The following E2F3 variants were observed in gnomAD, a reference collection of about 807,000 sequenced individuals.
The protein encoded by E2F3 is transcription factor E2F3.
E2F3 carries 11 observed loss-of-function variants against 44.4 expected under a neutral mutation model. The observed-to-expected ratio is 0.25, with a 90% CI of 0.16 to 0.41. E2F3 has a LOEUF of 0.41. E2F3 is among the 10% of genes least tolerant of loss of function. The probability of loss-of-function intolerance (pLI) is 1.00; values close to 1 mark genes in which losing one functional copy is unlikely to be tolerated. For synonymous variants in E2F3, 249 were observed against 253.0 expected (o/e 0.98, Z 0.15); for missense variants, 487 against 583.6 (o/e 0.83, Z 1.70).
At chr6:20,463,299 A>C (rs1761587430) in intron 1 of E2F3, among the ~76,000 whole-genome samples, 1 of 152,190 alleles carries the variant, frequency 6.6e-6, no homozygotes, top group African/African-American at 2.4e-5. Flanking sequence ...TTAAAATCCC[A>C]GTGCTTTGGG....
chr6:20,480,168 T>A, intron 2 of E2F3: 1 of 623,822 alleles, frequency 1.6e-6, no homozygotes, highest in Non-Finnish European at 2.0e-6. Flanking sequence ...AAGGGAAGAC[T>A]TCTTTTAACT....
chr6:20,417,549 A>G (rs892417602), intron 1 of E2F3, among the ~76,000 whole-genome samples: 2 of 152,064 alleles, frequency 1.3e-5, no homozygotes, highest in Non-Finnish European at 1.5e-5. Context: ...TTTAAATTTA[A>G]AAAGATGTTA....
intron 1 of E2F3, among the ~76,000 whole-genome samples, chr6:20,412,462 C>T (rs1188174383): frequency 6.6e-6 from 1 of 151,926 alleles, no homozygotes; most frequent in Non-Finnish European, 1.5e-5. Context: ...AGACATAAGT[C>T]AAAGGCAGGC....
intron 1 of E2F3, among the ~76,000 whole-genome samples, chr6:20,415,032 C>G (rs1173129206): frequency 1.3e-5 from 2 of 152,198 alleles, no homozygotes; most frequent in Non-Finnish European, 2.9e-5. Flanking sequence ...CCGCCACTCC[C>G]CGTGGTAGGA....
chr6:20,442,315 C>T (rs1760805256), intron 1 of E2F3, among the ~76,000 whole-genome samples: 1 of 152,126 alleles, frequency 6.6e-6, no homozygotes. Flanking sequence ...TCCTGGTAAC[C>T]GTCTTCTTAA....
In E2F3 at chr6:20,481,193, G is replaced by T. The variant is rs757759086; in HGVS notation, c.506-13G>T. Reference sequence around the variant, plus strand: ...CCTATCCCCCACCCGCTCGGTTTTTGTTTTTCTTTAAGCTCCAAAATCTCC... The same window carrying T: ...CCTATCCCCCACCCGCTCGGTTTTTTTTTTTCTTTAAGCTCCAAAATCTCC... On this transcript the variant is annotated splice_polypyrimidine_tract_variant and intron_variant, in intron 2 of 6. Coordinates refer to ENST00000346618, the MANE Select transcript of E2F3 (RefSeq NM_001949.5). 7 of 1,610,930 alleles carry T rather than the reference G, an allele frequency of 4.3e-6. No homozygotes were observed. In the East Asian group the frequency reaches 1.6e-4, roughly 36 times the overall value.
intron 1 of E2F3, among the ~76,000 whole-genome samples, chr6:20,464,244 GA>G (rs1317789935): frequency 6.6e-6 from 1 of 152,168 alleles, no homozygotes; most frequent in East Asian, 1.9e-4. Context: ...TGTTCACCTT[GA>G]AACTGCCTTG....
intron 1 of E2F3, among the ~76,000 whole-genome samples, chr6:20,419,119 C>T (rs999650557): frequency 2.6e-5 from 4 of 152,118 alleles, no homozygotes; most frequent in African/African-American, 9.7e-5. Flanking sequence ...AGACGTAATT[C>T]CCTATCTGTA....
chr6:20,446,582 CAG>C (rs1459748267), intron 1 of E2F3, among the ~76,000 whole-genome samples: 2 of 152,166 alleles, frequency 1.3e-5, no homozygotes, highest in African/African-American at 2.4e-5. Flanking sequence ...TATTTAGAGA[CAG>C]AGTCTTGCTG....
chr6:20,480,174 T>A, intron 2 of E2F3: 1 of 600,042 alleles, frequency 1.7e-6, no homozygotes, highest in Non-Finnish European at 2.1e-6. Context: ...AGACTTCTTT[T>A]AACTGTATGT....
Position 20,402,023 on chromosome 6 carries a change from G to T in E2F3, c.-210G>T. Reference sequence around the variant, plus strand: ...TGGGGCCCGATATCCGTGCGGCCGGGACCCTCCTCTCTCCAGAGCCCCGAT... The same window carrying T: ...TGGGGCCCGATATCCGTGCGGCCGGTACCCTCCTCTCTCCAGAGCCCCGAT... On this transcript the variant is annotated 5_prime_UTR_variant, in exon 1 of 7. Coordinates refer to ENST00000346618, the MANE Select transcript of E2F3 (RefSeq NM_001949.5). The surrounding 1 kb of genome is among the most constrained non-coding windows in gnomAD (Gnocchi z 5.6). 2.5e-6 allele frequency: 2 copies of T among 788,612 alleles called. No individual in the cohort carries two copies. Among genetic ancestry groups the T allele is most frequent in the Non-Finnish European group, 3.5e-6 (2 of 564,096 alleles). 48.9% of individuals were successfully genotyped at this position (788,612 alleles called of 1,614,324 possible).
chr6:20,478,784 T>C (rs1762127845), intron 1 of E2F3, among the ~76,000 whole-genome samples: 1 of 152,162 alleles, frequency 6.6e-6, no homozygotes, highest in African/African-American at 2.4e-5. Flanking sequence ...CACTCCAGCC[T>C]GGGCGACAGA....
chr6:20,481,195 T>G lies in E2F3; in HGVS notation c.506-11T>G. The G allele has an allele frequency of 6.2e-7, 1 of 1,613,020 alleles. No homozygotes were observed. The highest frequency in any genetic ancestry group is 8.5e-7 in the Non-Finnish European group (1 of 1,179,242). The stretch of plus-strand genomic sequence containing the variant: ...TATCCCCCACCCGCTCGGTTTTTGT[T>G]TTTCTTTAAGCTCCAAAATCTCCCT... On this transcript the variant is annotated splice_polypyrimidine_tract_variant and intron_variant, in intron 2 of 6. Coordinates refer to ENST00000346618, the MANE Select transcript of E2F3 (RefSeq NM_001949.5).
At chr6:20,414,990 A>G (rs1759795787) in intron 1 of E2F3, among the ~76,000 whole-genome samples, 1 of 152,206 alleles carries the variant, frequency 6.6e-6, no homozygotes, top group Admixed American at 6.5e-5. Flanking sequence ...TGTTTATAGG[A>G]AATGTACTTT....
intron 1 of E2F3, among the ~76,000 whole-genome samples, chr6:20,437,420 T>C (rs955652339): frequency 5.9e-5 from 9 of 152,082 alleles, no homozygotes; most frequent in African/African-American, 1.9e-4. Context: ...CTGAGCAGCA[T>C]AGTAACCTAT....
Position 20,488,177 on chromosome 6 carries a change from C to A in E2F3, c.1064C>A (p.Thr355Asn). Residue 355 changes from threonine (T) to asparagine (N), a missense_variant, in exon 6 of 7, where the codon ACT becomes AAT. This residue lies in a region of E2F3 where 220 missense variants were observed against 261.7 expected (regional missense o/e 0.84). Coordinates refer to ENST00000346618, the MANE Select transcript of E2F3 (RefSeq NM_001949.5). ...GAGGTTTACTTATGTCCAGAAGAGA[C>A]TGAAACACACAGTCCAATGAAAACA... Reference protein sequence around the residue: ...PIEVYLCPEETETHSPMKTNN... With the variant: ...PIEVYLCPEENETHSPMKTNN... The A allele has an allele frequency of 1.2e-6, 2 of 1,613,714 alleles. No homozygotes were observed. Among genetic ancestry groups the A allele is most frequent in the Non-Finnish European group, 1.7e-6 (2 of 1,179,944 alleles).
Position 20,481,288 on chromosome 6 carries a change from G to A in E2F3, c.588G>A (p.Gln196=), listed in dbSNP as rs746801031. ...LTKKFIQLLS[Q]SPDGVLDLNK... is the part of the protein sequence containing the mutation. ...AGAAGTTCATTCAGCTCCTGAGCCA[G>A]TCACCCGATGGGGTATTGGATTTGA... Residue 196 remains glutamine, a synonymous_variant, in exon 3 of 7, where the codon CAG becomes CAA. Coordinates refer to ENST00000346618, the MANE Select transcript of E2F3 (RefSeq NM_001949.5). 1.2e-6 allele frequency: 2 copies of A among 1,614,162 alleles called. No individual in the cohort carries two copies. Among genetic ancestry groups the A allele is most frequent in the South Asian group, 1.1e-5 (1 of 91,082 alleles).
intron 1 of E2F3, among the ~76,000 whole-genome samples, chr6:20,462,845 C>G (rs1581631066): frequency 1.0e-5 from 1 of 96,050 alleles, no homozygotes; most frequent in African/African-American, 3.9e-5. Flanking sequence ...GTTTTGTTCT[C>G]TTTCTCTCTC....
chr6:20,441,821 G>T (rs916850915), intron 1 of E2F3, among the ~76,000 whole-genome samples: 1 of 149,278 alleles, frequency 6.7e-6, no homozygotes, highest in African/African-American at 2.5e-5. Flanking sequence ...ACCCACCTTG[G>T]CCTCCCAACG....
Sources: gnomAD v4.1 joint callset for allele counts (sites outside exome capture counted in the v4.1 genomes callset) on GRCh38, gnomAD v4.1.1 for gene constraint, gnomAD v4.1.1 regional missense constraint, Gnocchi (gnomAD v3.1) non-coding constraint, MANE v1.5 for transcripts, NCBI Gene and HGNC (gene_info 2026-07-23, HGNC 2026-07-21) for gene names.